ZNF600: variants seen among roughly 807,000 people sequenced by gnomAD.
ZNF600 encodes the protein zinc finger protein KR-ZNF1.
In ZNF600, 4 loss-of-function variants were observed where a neutral mutation model predicts 7.3. The ratio of observed to expected loss-of-function variants is 0.55; its 90% CI spans 0.27 to 1.25. The LOEUF is 1.25. ZNF600 is among the 50% of genes most tolerant of loss of function. ZNF600 has a pLI of 0.12. For synonymous variants in ZNF600, 290 were observed against 308.9 expected, an observed-to-expected ratio of 0.94 and a Z score of 0.64; for missense variants, 911 against 922.1, an observed-to-expected ratio of 0.99 and a Z score of 0.16.
the ZNF600 span, among the ~76,000 whole-genome samples, chr19:52,795,171 CTT>C: frequency 6.6e-6 from 1 of 152,090 alleles, no homozygotes; most frequent in Non-Finnish European, 1.5e-5. Context: ...ACCAGAGGAA[CTT>C]GAAGGGAACA....
chr19:52,808,276 T>C, the ZNF600 span: 2 of 1,468,782 alleles, frequency 1.4e-6, no homozygotes, highest in Admixed American at 2.4e-5. Context: ...CCACATGATG[T>C]TTTTATTATA....
chr19:52,832,482 C>T, the ZNF600 span, among the ~76,000 whole-genome samples: 1 of 152,030 alleles, frequency 6.6e-6, no homozygotes, highest in Middle Eastern at 3.4e-3. Context: ...GTAATCCCAG[C>T]CACTCGGGAG....
the ZNF600 span, among the ~76,000 whole-genome samples, chr19:52,826,005 A>T: frequency 6.6e-6 from 1 of 152,120 alleles, no homozygotes; most frequent in African/African-American, 2.4e-5. Flanking sequence ...CTAAAATCTC[A>T]TAATGGTGTC....
intron 1 of ZNF600, among the ~76,000 whole-genome samples, chr19:52,785,931 T>C (rs762579035): frequency 2.0e-5 from 3 of 152,206 alleles, no homozygotes; most frequent in Non-Finnish European, 2.9e-5. Flanking sequence ...TTAGTTTTTT[T>C]TCTTTCACTT....
At chr19:52,832,000 T>C in the ZNF600 span, among the ~76,000 whole-genome samples, 1 of 132,418 alleles carries the variant, frequency 7.6e-6, no homozygotes, top group East Asian at 2.2e-4. Flanking sequence ...ACAATTATTA[T>C]AAAAAATAAA....
the ZNF600 span, among the ~76,000 whole-genome samples, chr19:52,821,956 G>A: frequency 6.8e-6 from 1 of 147,454 alleles, no homozygotes; most frequent in Non-Finnish European, 1.5e-5. Flanking sequence ...GCTTGTGCGA[G>A]ACAGGGATAC....
intron 3 of ZNF600, among the ~76,000 whole-genome samples, chr19:52,769,007 G>C (rs2062610951): frequency 1.3e-5 from 2 of 152,320 alleles, no homozygotes; most frequent in Non-Finnish European, 2.9e-5. Flanking sequence ...AGACAAGAGT[G>C]CGAGCCTTCT....
At chr19:52,783,136 G>A (rs190077686) in intron 1 of ZNF600, among the ~76,000 whole-genome samples, 39 of 151,282 alleles carry the variant, frequency 2.6e-4, no homozygotes, top group African/African-American at 8.9e-4. Flanking sequence ...GGGTTGCAGA[G>A]GGAAGCTGCC....
chr19:52,770,677 T>C (rs1405535581), intron 3 of ZNF600, among the ~76,000 whole-genome samples: 1 of 152,160 alleles, frequency 6.6e-6, no homozygotes, highest in African/African-American at 2.4e-5. Flanking sequence ...AAATATGATG[T>C]ATGTTCCCTG....
chr19:52,806,450 T>G, the ZNF600 span, among the ~76,000 whole-genome samples: 1 of 152,018 alleles, frequency 6.6e-6, no homozygotes, highest in Non-Finnish European at 1.5e-5. Context: ...CATCTCAGCC[T>G]CTCAAAGTGC....
chr19:52,778,208 TTC>T (rs2062692313), intron 2 of ZNF600, among the ~76,000 whole-genome samples: 2 of 152,112 alleles, frequency 1.3e-5, no homozygotes, highest in Non-Finnish European at 2.9e-5. Context: ...GAGGTGGGGT[TTC>T]ACCATGTTGG....
At chr19:52,830,113 C>T in the ZNF600 span, among the ~76,000 whole-genome samples, 1 of 151,964 alleles carries the variant, frequency 6.6e-6, no homozygotes, top group Non-Finnish European at 1.5e-5. Flanking sequence ...GTCTCTACTT[C>T]AAATACAAAA....
the ZNF600 span, chr19:52,810,840 TC>T: frequency 3.5e-4 from 44 of 127,040 alleles, no homozygotes; most frequent in African/African-American, 3.3e-3. Context: ...AAAAAAAGAG[TC>T]CCTCTCCCTC....
the ZNF600 span, chr19:52,801,575 A>C: frequency 6.2e-7 from 1 of 1,614,076 alleles, no homozygotes; most frequent in Non-Finnish European, 8.5e-7. Context: ...TGTCTTTCTC[A>C]ATTTTCTGGA....
the ZNF600 span, chr19:52,806,113 T>C: frequency 1.3e-5 from 2 of 152,116 alleles, no homozygotes; most frequent in African/African-American, 4.8e-5. Flanking sequence ...TTAACAAAAA[T>C]GCAACATACA....
intron 2 of ZNF600, among the ~76,000 whole-genome samples, chr19:52,777,667 T>A (rs1214239755): frequency 1.3e-5 from 2 of 151,694 alleles, no homozygotes; most frequent in Non-Finnish European, 2.9e-5. Context: ...CCGTCTCAAA[T>A]AAAAATACAA....
At chr19:52,823,499 C>T in the ZNF600 span, among the ~76,000 whole-genome samples, 5 of 152,278 alleles carry the variant, frequency 3.3e-5, 1 homozygote, top group East Asian at 1.9e-4. Context: ...TACAGGCGTG[C>T]GCCACCGCAC....
At chr19:52,773,041 G>A (rs1268311636) in intron 3 of ZNF600, among the ~76,000 whole-genome samples, 6 of 152,080 alleles carry the variant, frequency 3.9e-5, no homozygotes, top group Admixed American at 2.0e-4. Context: ...GTGTTGGAGG[G>A]GAGGGGCTCA....
chr19:52,831,489 A>ATTGTTGTT, the ZNF600 span, among the ~76,000 whole-genome samples: 1 of 148,936 alleles, frequency 6.7e-6, no homozygotes, highest in African/African-American at 2.5e-5. Flanking sequence ...GTTTGTATTT[A>ATTGTTGTT]TTTTTGTTTT....
Sources: allele counts gnomAD v4.1 joint callset (sites outside exome capture counted in the v4.1 genomes callset), GRCh38; gene constraint gnomAD v4.1.1; transcripts MANE v1.5; gene names NCBI Gene and HGNC (gene_info 2026-07-23, HGNC 2026-07-21).